Variants in FGD4 observed in about 807,000 individuals in gnomAD.
FGD4 encodes the protein FYVE, RhoGEF and PH domain containing 4.
Under a neutral mutation model 102.0 loss-of-function variants are expected in FGD4, and 42 were observed. That is an observed-to-expected ratio of 0.41 (90% confidence interval 0.32 to 0.53). The LOEUF (loss-of-function observed/expected upper bound fraction) is 0.53. Among genes scored for constraint, FGD4 ranks in the 20% least tolerant of loss-of-function variants. The pLI is 0.21. For missense variants in FGD4, 902 were observed against 1,078.2 expected (o/e 0.84, Z 2.29); for synonymous variants, 380 against 375.7 (o/e 1.01, Z -0.13).
At chr12:32,621,278 A>T (rs1241194177) in intron 11 of FGD4, among the ~76,000 whole-genome samples, 2 of 152,044 alleles carry the variant, frequency 1.3e-5, no homozygotes, top group Non-Finnish European at 2.9e-5. Flanking sequence ...ACAGAGCGAG[A>T]CTCTGTCTCA....
intron 1 of FGD4, among the ~76,000 whole-genome samples, chr12:32,429,979 A>G (rs1409350721): frequency 3.9e-5 from 6 of 151,984 alleles, no homozygotes; most frequent in East Asian, 1.9e-4. Context: ...AAAAAAAAAA[A>G]AGGACATTTT....
intron 1 of FGD4, among the ~76,000 whole-genome samples, chr12:32,405,662 G>A (rs982671275): frequency 6.6e-6 from 1 of 152,076 alleles, no homozygotes; most frequent in African/African-American, 2.4e-5. Flanking sequence ...CCTTTTCTCT[G>A]CTGAAGGAAA....
intron 1 of FGD4, among the ~76,000 whole-genome samples, chr12:32,515,326 A>G (rs1388374793): frequency 6.6e-6 from 1 of 152,098 alleles, no homozygotes. Flanking sequence ...GATTTCTCTG[A>G]TTAGATTGGG....
At chr12:32,502,341 A>G (rs1938286571) in intron 1 of FGD4, 1 of 985,298 alleles carries the variant, frequency 1.0e-6, no homozygotes, top group Non-Finnish European at 1.2e-6. Context: ...TTTATAAGGT[A>G]AGTAACCCTA....
At chr12:32,491,523 T>TA (rs1944091853) in intron 1 of FGD4, among the ~76,000 whole-genome samples, 1 of 152,240 alleles carries the variant, frequency 6.6e-6, no homozygotes, top group African/African-American at 2.4e-5. Context: ...TACTTGTTTT[T>TA]AACCTTTTTT....
At chr12:32,609,833 G>T (rs1287337074) in intron 8 of FGD4, among the ~76,000 whole-genome samples, 1 of 152,178 alleles carries the variant, frequency 6.6e-6, no homozygotes, top group Non-Finnish European at 1.5e-5. Context: ...TCACAAAACA[G>T]AAAAGAAAGG....
chr12:32,462,245 C>A (rs1019395123), intron 1 of FGD4, among the ~76,000 whole-genome samples: 2 of 152,070 alleles, frequency 1.3e-5, no homozygotes, highest in African/African-American at 4.8e-5. Context: ...CAACCTCCAC[C>A]TCCCTGGTTC....
In FGD4 at chr12:32,446,437, A is replaced by G. The variant is rs551786049; in HGVS notation, c.166+46478A>G. ...ATGATGAATACGGGGGTTATGTCTA[A>G]TGGCAGTACACACGGTCGAGGGGTA... On this transcript the variant is annotated intron_variant, in intron 1 of 16. Transcript: ENST00000534526. Among the ~76,000 whole-genome samples, 16 of 152,200 alleles carry G rather than the reference A, an allele frequency of 1.1e-4. No individual in the cohort carries two copies. In the South Asian group the frequency reaches 1.2e-3, roughly 12 times the overall value.
At chr12:32,409,670 G>GT (rs1476160275) in intron 1 of FGD4, among the ~76,000 whole-genome samples, 3 of 152,112 alleles carry the variant, frequency 2.0e-5, no homozygotes, top group African/African-American at 7.2e-5. Flanking sequence ...CCAGCTGCCT[G>GT]TTACTGATGT....
chr12:32,512,066 A>G (rs1939430307), intron 1 of FGD4, among the ~76,000 whole-genome samples: 1 of 152,150 alleles, frequency 6.6e-6, no homozygotes, highest in Non-Finnish European at 1.5e-5. Context: ...TGTATATCGA[A>G]GTCTTTTTTG....
chr12:32,485,743 CAAGACCTATTTTTA>C, intron 1 of FGD4: 3 of 706,880 alleles, frequency 4.2e-6, no homozygotes, highest in Non-Finnish European at 5.2e-6. Flanking sequence ...TGCGCCTGAC[CAAGACCTATTTTTA>C]AAGGGAAGTT....
At chr12:32,587,668 G>C (rs1947157275) in intron 4 of FGD4, among the ~76,000 whole-genome samples, 1 of 152,126 alleles carries the variant, frequency 6.6e-6, no homozygotes, top group Non-Finnish European at 1.5e-5. Context: ...TGACAGGTGT[G>C]AGCCACTGTG....
chr12:32,639,300 A>T (rs1469631223), intron 16 of FGD4, among the ~76,000 whole-genome samples: 1 of 151,956 alleles, frequency 6.6e-6, no homozygotes, highest in Non-Finnish European at 1.5e-5. Context: ...AGTAGCTGGG[A>T]TTACATGTAC....
chr12:32,481,014 C>T (rs1169786240), intron 1 of FGD4, among the ~76,000 whole-genome samples: 1 of 150,220 alleles, frequency 6.7e-6, no homozygotes. Flanking sequence ...ATGGGGTCTC[C>T]CTATGTTGCC....
Position 32,601,416 on chromosome 12 carries a change from C to T in FGD4, c.1240C>T (p.Gln414Ter), listed in dbSNP as rs780268298. Reference sequence around the variant, plus strand: ...CTTGCCAGAGCTGGAGAAACGAATGCAAGAATGGTAAGAGGAGTAGATAGA... The same window carrying T: ...CTTGCCAGAGCTGGAGAAACGAATGTAAGAATGGTAAGAGGAGTAGATAGA... ...FLLPELEKRM[Q>*]EWETTPRIGD... is the part of the protein sequence containing the mutation. The change falls in exon 6 of 17, where the codon CAA (glutamine) becomes TAA (stop). Residue 414 changes from glutamine (Q) to a stop codon, truncating the protein, a stop_gained. Transcript: ENST00000534526. LOFTEE classifies it high-confidence loss of function. 6.2e-7 allele frequency: 1 copy of T among 1,613,596 alleles called. No individual in the cohort carries two copies. The highest frequency in any genetic ancestry group is 8.5e-7 in the Non-Finnish European group (1 of 1,179,786).
chr12:32,595,930 A>G (rs908813974), intron 4 of FGD4, among the ~76,000 whole-genome samples: 2 of 152,244 alleles, frequency 1.3e-5, no homozygotes, highest in Admixed American at 6.5e-5. Context: ...TTAACTTTAC[A>G]TATTGAAAGG....
rs527800772 is a variant in FGD4, at chr12:32,510,913, A to C, written c.167-53224A>C. Among the ~76,000 whole-genome samples the C allele has an allele frequency of 6.6e-5, 10 of 152,336 alleles. No individual in the cohort carries two copies. The East Asian group carries it at 1.9e-3, about 29-fold the overall frequency. On this transcript the variant is annotated intron_variant, in intron 1 of 16. Coordinates refer to ENST00000534526, the MANE Select transcript of FGD4 (RefSeq NM_001370298.3). ...TAAAGTGCTTAAGTGTTAGGGGAAG[A>C]TACTGTAATGATACAAGCTGAGTAC...
chr12:32,625,269 C>CTTT (rs374139685), intron 13 of FGD4, among the ~76,000 whole-genome samples: 4 of 119,886 alleles, frequency 3.3e-5, no homozygotes, highest in African/African-American at 9.6e-5. Flanking sequence ...TTTTCTTATT[C>CTTT]TTTTTTTTTT....
At chr12:32,468,155 AC>A (rs1325092157) in intron 1 of FGD4, among the ~76,000 whole-genome samples, 2 of 151,916 alleles carry the variant, frequency 1.3e-5, no homozygotes, top group African/African-American at 4.8e-5. Flanking sequence ...CATTCCTCCC[AC>A]CTCAGCCTTC....
Sources: allele counts gnomAD v4.1 joint callset (sites outside exome capture counted in the v4.1 genomes callset), GRCh38; gene constraint gnomAD v4.1.1; transcripts MANE v1.5; gene names NCBI Gene and HGNC (gene_info 2026-07-23, HGNC 2026-07-21).